Variants in STX1B observed in about 807,000 individuals in gnomAD.
The protein encoded by STX1B is syntaxin 1B.
In STX1B, 7 loss-of-function variants were observed where a neutral mutation model predicts 39.4. The observed-to-expected ratio is 0.18, with a 90% CI of 0.10 to 0.33. STX1B has a LOEUF of 0.33. Among genes scored for constraint, STX1B ranks in the 10% least tolerant of loss-of-function variants. STX1B has a pLI of 1.00. For synonymous variants in STX1B, 136 were observed against 144.1 expected, an observed-to-expected ratio of 0.94 and a Z score of 0.40; for missense variants, 198 against 383.2, an observed-to-expected ratio of 0.52 and a Z score of 4.04.
chr16:31,003,972 C>T (rs979145376), intron 1 of STX1B, among the ~76,000 whole-genome samples: 26 of 152,138 alleles, frequency 1.7e-4, no homozygotes, highest in African/African-American at 5.8e-4. Flanking sequence ...CACATAGGGC[C>T]AGAAAACCAT....
chr16:30,999,321 C>T (rs1045759374), intron 4 of STX1B, among the ~76,000 whole-genome samples: 1 of 152,182 alleles, frequency 6.6e-6, no homozygotes, highest in African/African-American at 2.4e-5. Flanking sequence ...GAGTTACTAC[C>T]CTTCTCTCTC....
At chr16:31,007,047 GC>G (rs1265532818) in intron 1 of STX1B, among the ~76,000 whole-genome samples, 2 of 152,156 alleles carry the variant, frequency 1.3e-5, no homozygotes, top group African/African-American at 4.8e-5. Flanking sequence ...GGAGGTCAAG[GC>G]TGCAGTGAGC....
intron 1 of STX1B, among the ~76,000 whole-genome samples, chr16:31,007,708 T>C (rs2056661688): frequency 6.6e-6 from 1 of 152,164 alleles, no homozygotes; most frequent in Admixed American, 6.5e-5. Flanking sequence ...ATAGGGGCCA[T>C]GTCCTGCCCA....
chr16:31,007,217 C>T (rs781779126), intron 1 of STX1B, among the ~76,000 whole-genome samples: 5 of 152,154 alleles, frequency 3.3e-5, no homozygotes, highest in African/African-American at 4.8e-5. Context: ...TTCAGGGCTG[C>T]GTTTCTAAAG....
In STX1B at chr16:31,001,531, G is replaced by T. The variant is rs2056629841; in HGVS notation, c.103C>A (p.Gln35Lys). 1.2e-6 allele frequency: 2 copies of T among 1,609,940 alleles called. No homozygotes were observed. The highest frequency in any genetic ancestry group is 8.5e-7 in the Non-Finnish European group (1 of 1,178,560). ...RDHFMDEFFE[Q>K]VEEIRGCIEK... is the part of the protein sequence containing the mutation. ...TGGGGGCCTTGGAGGCCCATTACCT[G>T]TTCAAAGAACTCATCCATGAAGTGG... is the stretch of plus-strand genomic sequence containing the variant. The change falls in exon 2 of 10, where the codon CAG becomes AAG. Residue 35 changes from glutamine to lysine, a missense_variant and splice_region_variant. Coordinates refer to ENST00000215095, the MANE Select transcript of STX1B (RefSeq NM_052874.5). The surrounding 1 kb of genome is among the most constrained non-coding windows in gnomAD (Gnocchi z 5.5).
chr16:30,998,493 A>T (rs891760904), intron 4 of STX1B, among the ~76,000 whole-genome samples: 3 of 152,246 alleles, frequency 2.0e-5, no homozygotes, highest in Non-Finnish European at 4.4e-5. Context: ...CCCGACTGTC[A>T]GCCTTGGGGC....
intron 7 of STX1B, among the ~76,000 whole-genome samples, chr16:30,993,889 G>A (rs1446401759): frequency 6.6e-6 from 1 of 152,012 alleles, no homozygotes; most frequent in African/African-American, 2.4e-5. Context: ...GGAGGCTGAG[G>A]CAGGAGAATT....
chr16:30,993,426 T>C lies in STX1B; in HGVS notation c.596A>G (p.Asn199Ser). The C allele has an allele frequency of 5.0e-6, 8 of 1,614,032 alleles. No homozygotes were observed. Among genetic ancestry groups the C allele is most frequent in the Non-Finnish European group, 6.8e-6 (8 of 1,180,020 alleles). ...QALNEIETRHNEIIKLETSIR... is the reference protein window; with the variant it reads ...QALNEIETRHSEIIKLETSIR... ...GCTGGTCTCCAGCTTGATGATCTCA[T>C]TGTGCCTCGTCTCAATCTCATTCAG... The change falls in exon 8 of 10, where the codon AAT becomes AGT. Residue 199 changes from asparagine (N) to serine (S), a missense_variant. Physicochemically the swap from Asn to Ser is conservative, Grantham distance 46 (BLOSUM62 1). Transcript: ENST00000215095.
At position 31,001,064 on chromosome 16, in the gene STX1B, C is replaced by T; in HGVS notation, c.205+30G>A. The T allele has an allele frequency of 6.2e-7, 1 of 1,614,076 alleles. No homozygotes were observed. The highest frequency in any genetic ancestry group is 2.2e-5 in the East Asian group (1 of 44,888). On this transcript the variant is annotated intron_variant, in intron 3 of 9. Coordinates refer to ENST00000215095, the MANE Select transcript of STX1B (RefSeq NM_052874.5). The surrounding 1 kb of genome is among the most constrained non-coding windows in gnomAD (Gnocchi z 5.5). ...GGGAACCCCAGGCCCCTTCTCCTCC[C>T]ACCCCACAGTCACCGGCAGCCACAC...
At chr16:30,994,625 C>T (rs986098974) in intron 7 of STX1B, among the ~76,000 whole-genome samples, 2 of 124,090 alleles carry the variant, frequency 1.6e-5, no homozygotes, top group African/African-American at 2.7e-5. Context: ...GGGAAGAGAC[C>T]GTGACCCACA....
rs1023862042 is a variant in STX1B, at chr16:31,001,854, G to A, written c.31-251C>T. Among the ~76,000 whole-genome samples the A allele has an allele frequency of 3.9e-5, 6 of 152,150 alleles. No homozygotes were observed. Among genetic ancestry groups the A allele is most frequent in the Admixed American group, 6.5e-5 (1 of 15,282 alleles). On this transcript the variant is annotated intron_variant, in intron 1 of 9. Transcript: ENST00000215095. This position sits in a 1 kb window ranked among gnomAD's most constrained non-coding sequence, Gnocchi z 5.5. Reference sequence around the variant, plus strand: ...TCAGGGTGGATGTGGCCTTGGGGGCGCAGAGCCAGCCTTGACCAGCCAATA... The same window carrying A: ...TCAGGGTGGATGTGGCCTTGGGGGCACAGAGCCAGCCTTGACCAGCCAATA...
At chr16:31,000,804 G>A in intron 4 of STX1B, 124 bp downstream of exon 4, 2 of 942,744 alleles carry the variant, frequency 2.1e-6, no homozygotes, top group Non-Finnish European at 3.3e-6. Context: ...TTGCCATGTT[G>A]CCCAGGCTGG....
chr16:31,003,544 C>T (rs1427307049), intron 1 of STX1B, among the ~76,000 whole-genome samples: 2 of 152,202 alleles, frequency 1.3e-5, no homozygotes, highest in Admixed American at 6.5e-5. Flanking sequence ...GGTCATGCGG[C>T]CTCTCCCTGG....
Position 31,010,499 on chromosome 16 carries a change from C to A in STX1B, c.-103G>T. The A allele has an allele frequency of 1.3e-6, 1 of 786,096 alleles. No individual in the cohort carries two copies. The highest frequency in any genetic ancestry group is 1.7e-6 in the Non-Finnish European group (1 of 600,782). 48.7% of individuals were successfully genotyped at this position (786,096 alleles called of 1,614,324 possible). ...GCCGGGGTCTGGGGGCGCCGGGGGG[C>A]GCCGCGGCCGCTGCGGGGGGCCTGC... On this transcript the variant is annotated 5_prime_UTR_variant, in exon 1 of 10. Coordinates refer to ENST00000215095, the MANE Select transcript of STX1B (RefSeq NM_052874.5).
At chr16:31,006,362 C>G (rs55731737) in intron 1 of STX1B, among the ~76,000 whole-genome samples, 25,642 of 152,154 alleles carry the variant, frequency 0.17, 2,712 homozygotes, top group Non-Finnish European at 0.24. Flanking sequence ...CCCCCTGCCC[C>G]TTTCTCATCC....
At chr16:31,007,866 G>T (rs1255506479) in intron 1 of STX1B, among the ~76,000 whole-genome samples, 1 of 152,156 alleles carries the variant, frequency 6.6e-6, no homozygotes. Context: ...TGTGAAACAG[G>T]CACTCTTACT....
intron 4 of STX1B, among the ~76,000 whole-genome samples, chr16:30,998,162 C>T (rs1164698883): frequency 2.0e-5 from 3 of 152,242 alleles, no homozygotes; most frequent in Non-Finnish European, 2.9e-5. Context: ...TTCTGAAGGA[C>T]GTTCTGGAAA....
chr16:30,997,922 G>A (rs1433348321), intron 4 of STX1B, among the ~76,000 whole-genome samples: 1 of 152,214 alleles, frequency 6.6e-6, no homozygotes, highest in African/African-American at 2.4e-5. Context: ...GGCCCAGCCC[G>A]CGTGAAGGGG....
At chr16:30,995,362 C>A (rs915475745) in intron 7 of STX1B, among the ~76,000 whole-genome samples, 1 of 152,146 alleles carries the variant, frequency 6.6e-6, no homozygotes, top group African/African-American at 2.4e-5. Flanking sequence ...ATCCTTTAAA[C>A]CTGGTCTAGA....
Sources: gnomAD v4.1 joint callset for allele counts (sites outside exome capture counted in the v4.1 genomes callset) on GRCh38, gnomAD v4.1.1 for gene constraint, Gnocchi (gnomAD v3.1) non-coding constraint, MANE v1.5 for transcripts, NCBI Gene and HGNC (gene_info 2026-07-23, HGNC 2026-07-21) for gene names.